Variants in GLRX observed in about 807,000 individuals in gnomAD.
GLRX encodes glutaredoxin.
GLRX carries 9 observed loss-of-function variants against 11.1 expected under a neutral mutation model. That is an observed-to-expected ratio of 0.81 (90% confidence interval 0.49 to 1.42). The LOEUF is 1.42. Ranked by LOEUF, GLRX falls within the 40% of genes most tolerant of loss-of-function variation. The pLI, the probability that GLRX is intolerant of heterozygous loss-of-function variation, is 0.00. For synonymous variants in GLRX, 49 were observed against 49.5 expected (o/e 0.99, Z 0.04); for missense variants, 102 against 126.2 (o/e 0.81, Z 0.92).
rs145712009 is a variant in GLRX at position 95,816,694 on chromosome 5, C to T, written c.208-68G>A. The T allele has an allele frequency of 5.4e-5, 45 of 839,866 alleles. No homozygotes were observed. In the African/African-American group the frequency reaches 5.7e-4, roughly 11 times the overall value. The allele number at this position is 839,866 out of a possible 1,614,324, so 52.0% of individuals were successfully genotyped here. On this transcript the variant is annotated intron_variant, in intron 1 of 2. Transcript: ENST00000237858. ...TAGACAGAACATTTCTATCCTACCA[C>T]TAAATATTTCCCGTGATTCCAAACT...
chr5:95,821,484 C>T (rs1487481026), intron 1 of GLRX, among the ~76,000 whole-genome samples: 1 of 152,164 alleles, frequency 6.6e-6, no homozygotes, highest in Non-Finnish European at 1.5e-5. Context: ...GAGAAACAAC[C>T]TCCAATGCTT....
chr5:95,814,716 A>T (rs1746921865), intron 2 of GLRX: 1 of 152,322 alleles, frequency 6.6e-6, no homozygotes, highest in African/African-American at 2.4e-5. Context: ...AGGGTCAGTG[A>T]GCGAATCCTG....
chr5:95,821,585 C>T (rs1193284688), intron 1 of GLRX, among the ~76,000 whole-genome samples: 3 of 152,204 alleles, frequency 2.0e-5, no homozygotes, highest in Non-Finnish European at 4.4e-5. Context: ...AGAATTCGTG[C>T]ATCGTAAAAG....
intron 1 of GLRX, among the ~76,000 whole-genome samples, chr5:95,819,888 A>C: frequency 1.1e-5 from 1 of 90,546 alleles, no homozygotes; most frequent in African/African-American, 4.9e-5. Flanking sequence ...ACAGAGGGAG[A>C]CTCCGTCTCA....
intron 1 of GLRX, chr5:95,819,370 A>G (rs1747128941): frequency 6.6e-6 from 1 of 152,250 alleles, no homozygotes; most frequent in Admixed American, 6.5e-5. Flanking sequence ...CCTTGCAAGA[A>G]ATGCCCAAAG....
chr5:95,818,068 T>A (rs1041269470), intron 1 of GLRX: 1 of 152,214 alleles, frequency 6.6e-6, no homozygotes, highest in African/African-American at 2.4e-5. Flanking sequence ...TAACTGAGGC[T>A]TTGAAAACCC....
chr5:95,822,178 G>T, intron 1 of GLRX: 1 of 511,526 alleles, frequency 2.0e-6, no homozygotes, highest in Non-Finnish European at 3.5e-6. Context: ...AATTCCCCAG[G>T]GACTCACCGG....
intron 1 of GLRX, among the ~76,000 whole-genome samples, chr5:95,819,901 A>AAAAG (rs1430352189): frequency 9.7e-5 from 12 of 124,300 alleles, no homozygotes; most frequent in Non-Finnish European, 1.7e-4. Flanking sequence ...CCGTCTCAAA[A>AAAAG]AAAAAAAAAA....
intron 1 of GLRX, chr5:95,819,011 T>A (rs1007297226): frequency 2.0e-5 from 3 of 152,244 alleles, no homozygotes; most frequent in African/African-American, 7.2e-5. Flanking sequence ...TGCTCGAATG[T>A]TCCCTTCTCA....
At position 95,822,665 on chromosome 5, in the gene GLRX, C is replaced by A; in HGVS notation, c.-3G>T. 6.2e-7 allele frequency: 1 copy of A among 1,613,094 alleles called. No individual in the cohort carries two copies. Among genetic ancestry groups the A allele is most frequent in the Non-Finnish European group, 8.5e-7 (1 of 1,179,174 alleles). On this transcript the variant is annotated 5_prime_UTR_variant, in exon 1 of 3. Transcript: ENST00000237858. ...CAGTTCACAAACTCTTGAGCCATGC[C>A]GATGGGCTGCGGTCTCCCCGGGAAG... is the stretch of plus-strand genomic sequence containing the variant.
chr5:95,820,224 A>G (rs1303266715), intron 1 of GLRX, among the ~76,000 whole-genome samples: 2 of 151,804 alleles, frequency 1.3e-5, no homozygotes, highest in Non-Finnish European at 2.9e-5. Flanking sequence ...ATGATGGCTC[A>G]TGCCTGTAGT....
At chr5:95,821,294 T>C (rs887507401) in intron 1 of GLRX, among the ~76,000 whole-genome samples, 1 of 152,132 alleles carries the variant, frequency 6.6e-6, no homozygotes. Flanking sequence ...GTAGTAGTGT[T>C]TGCACTGCCC....
At chr5:95,818,997 T>C (rs998279006) in intron 1 of GLRX, 3 of 152,334 alleles carry the variant, frequency 2.0e-5, no homozygotes, top group East Asian at 3.9e-4. Flanking sequence ...CTCCTATAGA[T>C]ATCTGCTCGA....
At chr5:95,816,891 C>T (rs1484060997) in intron 1 of GLRX, 1 of 286,010 alleles carries the variant, frequency 3.5e-6, no homozygotes, top group Non-Finnish European at 6.8e-6. Context: ...AAATTTCACT[C>T]TACAGAAACA....
chr5:95,821,695 G>A (rs1055466061), intron 1 of GLRX, among the ~76,000 whole-genome samples: 5 of 152,214 alleles, frequency 3.3e-5, no homozygotes, highest in African/African-American at 1.2e-4. Flanking sequence ...AGGACGCAAA[G>A]CCAAGGATGC....
chr5:95,816,743 T>C (rs1391627851), intron 1 of GLRX, 117 bp from the exon 2 acceptor site: 2 of 659,028 alleles, frequency 3.0e-6, no homozygotes, highest in Non-Finnish European at 5.6e-6. Context: ...TAAAACCTCC[T>C]TATGTATATG....
rs1169606214 is a variant in GLRX, at chr5:95,814,030, T to G, written c.*366A>C. 1 of 152,192 alleles carries G rather than the reference T, an allele frequency of 6.6e-6. No homozygotes were observed. The highest frequency in any genetic ancestry group is 1.5e-5 in the Non-Finnish European group (1 of 68,030). 9.4% of individuals were successfully genotyped at this position (152,192 alleles called of 1,614,324 possible). A position where few individuals can be genotyped will look rare whatever the true frequency, so the allele number is the denominator to read the frequency against. On this transcript the variant is annotated 3_prime_UTR_variant, in exon 3 of 3. Transcript: ENST00000237858. The stretch of plus-strand genomic sequence containing the variant: ...AGAAATTAAGTGTTGTCACTAGAGA[T>G]TGAAGGAAATTAACAATCTTACAAT...
intron 1 of GLRX, among the ~76,000 whole-genome samples, chr5:95,820,840 G>A (rs1747206195): frequency 1.3e-5 from 2 of 152,068 alleles, no homozygotes; most frequent in African/African-American, 4.8e-5. Flanking sequence ...AAAATCCCAG[G>A]TGTGGTGGCT....
intron 1 of GLRX, 114 bp downstream of exon 1, chr5:95,822,338 CACAG>C: frequency 2.3e-5 from 17 of 754,650 alleles, no homozygotes; most frequent in African/African-American, 3.5e-5. Context: ...CCCCGCCCCG[CACAG>C]CCCTCTGGAC....
Sources: gnomAD v4.1 joint callset for allele counts (sites outside exome capture counted in the v4.1 genomes callset) on GRCh38, gnomAD v4.1.1 for gene constraint, MANE v1.5 for transcripts, NCBI Gene and HGNC (gene_info 2026-07-23, HGNC 2026-07-21) for gene names.